FIG4: variants seen among roughly 807,000 people sequenced by gnomAD.
FIG4 encodes the protein FIG4 phosphoinositide 5-phosphatase.
Under a neutral mutation model 118.6 loss-of-function variants are expected in FIG4, and 112 were observed. The ratio of observed to expected loss-of-function variants is 0.94; its 90% CI spans 0.81 to 1.11. The LOEUF is 1.11. FIG4 is among the 50% of genes least tolerant of loss of function. FIG4 has a pLI of 0.00. For synonymous variants in FIG4, 369 were observed against 381.2 expected (o/e 0.97, Z 0.37); for missense variants, 969 against 1,111.7 (o/e 0.87, Z 1.83).
At chr6:109,699,296 A>G (rs1447998671) in intron 1 of FIG4, among the ~76,000 whole-genome samples, 2 of 152,072 alleles carry the variant, frequency 1.3e-5, no homozygotes, top group Non-Finnish European at 2.9e-5. Context: ...TTTGATGTCT[A>G]TAGGATTTGT....
intron 7 of FIG4, among the ~76,000 whole-genome samples, chr6:109,738,923 C>A (rs554890745): frequency 6.6e-6 from 1 of 152,046 alleles, no homozygotes; most frequent in Non-Finnish European, 1.5e-5. Flanking sequence ...GCATAAAACT[C>A]CCAGGAGGTA....
chr6:109,767,324 T>G (rs1777309886), intron 15 of FIG4, among the ~76,000 whole-genome samples: 1 of 152,204 alleles, frequency 6.6e-6, no homozygotes, highest in African/African-American at 2.4e-5. Context: ...TAGCACTAAA[T>G]TATACTCATT....
chr6:109,822,717 A>G (rs1422234159), intron 22 of FIG4, among the ~76,000 whole-genome samples: 1 of 150,284 alleles, frequency 6.7e-6, no homozygotes, highest in East Asian at 1.9e-4. Context: ...ATAAAAGTTC[A>G]CATGGCTTCA....
At chr6:109,731,770 T>C (rs917717317) in intron 4 of FIG4, among the ~76,000 whole-genome samples, 1 of 152,154 alleles carries the variant, frequency 6.6e-6, no homozygotes, top group Admixed American at 6.6e-5. Context: ...CAGATTTTGT[T>C]ATCTGAGGGA....
chr6:109,754,091 C>G (rs987657540), intron 10 of FIG4, among the ~76,000 whole-genome samples: 2 of 152,132 alleles, frequency 1.3e-5, no homozygotes, highest in African/African-American at 4.8e-5. Context: ...ACAGATAGCT[C>G]TTATTATTTT....
intron 15 of FIG4, among the ~76,000 whole-genome samples, chr6:109,773,204 A>G (rs943412616): frequency 2.0e-5 from 3 of 152,212 alleles, no homozygotes; most frequent in African/African-American, 7.2e-5. Flanking sequence ...TAAAGGATTA[A>G]TGTGATTACA....
At chr6:109,806,929 A>G (rs1219325937) in intron 22 of FIG4, among the ~76,000 whole-genome samples, 4 of 152,200 alleles carry the variant, frequency 2.6e-5, no homozygotes, top group Admixed American at 6.5e-5. Flanking sequence ...TGCAAAGGAC[A>G]TGAACTCATC....
At chr6:109,725,405 C>A (rs1430754054) in intron 3 of FIG4, among the ~76,000 whole-genome samples, 3 of 152,202 alleles carry the variant, frequency 2.0e-5, no homozygotes, top group Non-Finnish European at 2.9e-5. Flanking sequence ...TTTCCTGCTT[C>A]ATCCATGTCC....
intron 22 of FIG4, among the ~76,000 whole-genome samples, chr6:109,802,048 G>A (rs1434588149): frequency 2.0e-5 from 3 of 152,190 alleles, no homozygotes; most frequent in African/African-American, 7.2e-5. Flanking sequence ...TCCACAGGCG[G>A]AGATAATAAG....
intron 10 of FIG4, among the ~76,000 whole-genome samples, chr6:109,746,049 A>G (rs956150907): frequency 3.3e-5 from 5 of 152,306 alleles, no homozygotes; most frequent in Non-Finnish European, 5.9e-5. Flanking sequence ...AAATAGATAT[A>G]TAGACCAATG....
At chr6:109,783,894 G>C (rs79622139) in intron 16 of FIG4, among the ~76,000 whole-genome samples, 1 of 152,170 alleles carries the variant, frequency 6.6e-6, no homozygotes, top group Non-Finnish European at 1.5e-5. Context: ...AACCTTTCCT[G>C]TTAGAACAGT....
chr6:109,772,700 G>A (rs1489167965), intron 15 of FIG4, among the ~76,000 whole-genome samples: 1 of 152,064 alleles, frequency 6.6e-6, no homozygotes, highest in Non-Finnish European at 1.5e-5. Context: ...TGATCTGCCC[G>A]CCTCAGCCTC....
At position 109,732,700 on chromosome 6, in the gene FIG4, T is replaced by G. The variant is rs752736205; in HGVS notation, c.497+13T>G. On this transcript the variant is annotated intron_variant, in intron 5 of 22. Transcript: ENST00000230124. ...ATTTTTACTTTAGGTAAGTGTGAGG[T>G]TAGTTTTGCTCCTATCAATCACATA... 1 of 1,519,774 alleles carries G rather than the reference T, an allele frequency of 6.6e-7. No homozygotes were observed. The highest frequency in any genetic ancestry group is 9.1e-7 in the Non-Finnish European group (1 of 1,101,532). 94.1% of individuals were successfully genotyped at this position (1,519,774 alleles called of 1,614,324 possible). A position where few individuals can be genotyped will look rare whatever the true frequency, so the allele number is the denominator to read the frequency against.
chr6:109,824,297 G>T (rs571969064), intron 22 of FIG4, among the ~76,000 whole-genome samples: 1 of 152,214 alleles, frequency 6.6e-6, no homozygotes, highest in Non-Finnish European at 1.5e-5. Context: ...TAGATGAGTC[G>T]CAGAATTCCG....
chr6:109,761,547 G>A (rs543530181), intron 11 of FIG4, among the ~76,000 whole-genome samples: 14 of 152,156 alleles, frequency 9.2e-5, no homozygotes, highest in East Asian at 3.9e-4. Context: ...CACCACGCCC[G>A]GCTAATTTTT....
intron 22 of FIG4, among the ~76,000 whole-genome samples, chr6:109,805,732 G>A (rs1162208880): frequency 2.0e-5 from 3 of 152,028 alleles, no homozygotes; most frequent in Non-Finnish European, 4.4e-5. Context: ...ATGTATTAAT[G>A]TCAAAATAAA....
At chr6:109,717,862 A>G (rs541705111) in intron 3 of FIG4, among the ~76,000 whole-genome samples, 24 of 152,224 alleles carry the variant, frequency 1.6e-4, no homozygotes, top group African/African-American at 4.3e-4. Flanking sequence ...CCTTATTTTG[A>G]GTCTTTTTTT....
chr6:109,751,994 C>T (rs1326353375), intron 10 of FIG4, among the ~76,000 whole-genome samples: 1 of 104,610 alleles, frequency 9.6e-6, no homozygotes, highest in Non-Finnish European at 1.9e-5. Context: ...CCCCCTCCCC[C>T]CACCCCACAA....
intron 22 of FIG4, among the ~76,000 whole-genome samples, chr6:109,821,409 A>G (rs761268030): frequency 2.6e-5 from 4 of 152,258 alleles, no homozygotes; most frequent in Non-Finnish European, 4.4e-5. Context: ...TCATAGAATT[A>G]TAAAGAACAG....
Sources: allele counts gnomAD v4.1 joint callset (sites outside exome capture counted in the v4.1 genomes callset), GRCh38; gene constraint gnomAD v4.1.1; transcripts MANE v1.5; gene names NCBI Gene and HGNC (gene_info 2026-07-23, HGNC 2026-07-21).